Variants in BLNK observed in about 807,000 individuals in gnomAD.
The protein encoded by BLNK is B cell linker.
Under a neutral mutation model 73.5 loss-of-function variants are expected in BLNK, and 29 were observed. That is an observed-to-expected ratio of 0.39 (90% CI 0.29 to 0.54). The LOEUF is 0.54. Ranked by LOEUF, BLNK falls within the 20% of genes least tolerant of loss-of-function variation. BLNK has a pLI of 0.61. For synonymous variants in BLNK, 176 were observed against 200.8 expected (o/e 0.88, Z 1.04); for missense variants, 460 against 562.8 (o/e 0.82, Z 1.85).
chr10:96,213,839 G>A (rs1411099400), intron 8 of BLNK, among the ~76,000 whole-genome samples: 3 of 152,138 alleles, frequency 2.0e-5, no homozygotes, highest in Non-Finnish European at 2.9e-5. Context: ...ACCTGGTCAC[G>A]ATGTTTTAGA....
chr10:96,215,808 C>T (rs587735617), intron 7 of BLNK: 1 of 162,552 alleles, frequency 6.2e-6, no homozygotes, highest in South Asian at 1.7e-4. Context: ...CAATACACAC[C>T]ATTGCTCTGG....
chr10:96,208,576 T>C (rs1251770257), intron 9 of BLNK, among the ~76,000 whole-genome samples: 1 of 152,208 alleles, frequency 6.6e-6, no homozygotes, highest in Non-Finnish European at 1.5e-5. Context: ...TGTGGAACAC[T>C]GTAAGTCAAT....
chr10:96,208,867 A>G (rs1010487816), intron 9 of BLNK, among the ~76,000 whole-genome samples: 4 of 152,200 alleles, frequency 2.6e-5, no homozygotes, highest in African/African-American at 9.7e-5. Flanking sequence ...GCCCAAAGTG[A>G]TACAGCTGAA....
chr10:96,221,277 C>G (rs1205006968), intron 6 of BLNK, among the ~76,000 whole-genome samples: 4 of 152,212 alleles, frequency 2.6e-5, no homozygotes, highest in African/African-American at 9.7e-5. Flanking sequence ...CATTATAGCA[C>G]AGATGCTCCT....
At chr10:96,254,057 GA>G (rs797028102) in intron 1 of BLNK, among the ~76,000 whole-genome samples, 42 of 145,802 alleles carry the variant, frequency 2.9e-4, no homozygotes, top group Middle Eastern at 3.5e-3. Context: ...TAAAAAAAAG[GA>G]AAAAAAAAAG....
chr10:96,261,226 T>A (rs1225284777), intron 1 of BLNK, among the ~76,000 whole-genome samples: 4 of 152,208 alleles, frequency 2.6e-5, no homozygotes, highest in African/African-American at 9.7e-5. Context: ...GGAAATTGTT[T>A]AATTATCAAT....
intron 11 of BLNK, among the ~76,000 whole-genome samples, chr10:96,205,570 T>C (rs2083777109): frequency 1.3e-5 from 2 of 152,222 alleles, no homozygotes; most frequent in Non-Finnish European, 2.9e-5. Flanking sequence ...GTTTTGCTCA[T>C]GACATTAAAA....
intron 5 of BLNK, among the ~76,000 whole-genome samples, chr10:96,226,052 G>T (rs1206097857): frequency 6.6e-6 from 1 of 152,188 alleles, no homozygotes; most frequent in Admixed American, 6.5e-5. Context: ...AGTATGGTGG[G>T]TGGTGCACAG....
chr10:96,227,480 C>T lies in BLNK; in HGVS notation c.291G>A (p.Glu97=), dbSNP rs587731205. 1 of 1,614,244 alleles carries T rather than the reference C, an allele frequency of 6.2e-7. No individual in the cohort carries two copies. Among genetic ancestry groups the T allele is most frequent in the Admixed American group, 1.7e-5 (1 of 60,032 alleles). ...PAEENADDSY[E]PPPVEQETRP... ...TGGTTTCCTGCTCTACTGGAGGCGG[C>T]TCGTAGCTGTCATCAGCGTTCTCCT... The change falls in exon 5 of 17, where the codon GAG becomes GAA. Residue 97 remains glutamate (E), a synonymous_variant. Coordinates refer to ENST00000224337, the MANE Select transcript of BLNK (RefSeq NM_013314.4).
intron 1 of BLNK, among the ~76,000 whole-genome samples, chr10:96,265,184 A>T (rs1378759343): frequency 1.3e-5 from 2 of 150,920 alleles, no homozygotes; most frequent in Non-Finnish European, 2.9e-5. Flanking sequence ...GTGTCTCATT[A>T]TGTTGACCCG....
chr10:96,205,661 CG>C (rs1564817708), intron 11 of BLNK, among the ~76,000 whole-genome samples: 1 of 152,226 alleles, frequency 6.6e-6, no homozygotes, highest in East Asian at 1.9e-4. Flanking sequence ...GCTCTGCCTC[CG>C]CCATCCTGAT....
chr10:96,266,603 T>C (rs952501568), intron 1 of BLNK, among the ~76,000 whole-genome samples: 2 of 152,146 alleles, frequency 1.3e-5, no homozygotes, highest in African/African-American at 4.8e-5. Context: ...GGGTAGTCCA[T>C]CCATTGGTGT....
At position 96,224,136 on chromosome 10, in the gene BLNK, G is replaced by A. The variant is rs72811012; in HGVS notation, c.362-147C>T. 102,883 of 932,564 alleles carry A rather than the reference G, an allele frequency of 0.11. 8,930 individuals are homozygous for A. Among genetic ancestry groups the A allele is most frequent in the East Asian group, 0.43 (16,247 of 37,878 alleles). 57.8% of individuals were successfully genotyped at this position (932,564 alleles called of 1,614,324 possible). On this transcript the variant is annotated intron_variant, in intron 5 of 16. Coordinates refer to ENST00000224337, the MANE Select transcript of BLNK (RefSeq NM_013314.4). ...GGGGCATTCCTTGAAAGAGTAAAGT[G>A]AAATGTTAGGCCCAAAATTTCAACT...
chr10:96,204,012 G>C, intron 13 of BLNK, 45 bp downstream of exon 13: 2 of 1,556,980 alleles, frequency 1.3e-6, no homozygotes, highest in Non-Finnish European at 1.8e-6. Context: ...CTAGGATCCA[G>C]CCTCGACCAC....
intron 6 of BLNK, 95 bp from the exon 7 acceptor site, chr10:96,216,829 G>A (rs782361140): frequency 2.3e-5 from 23 of 1,005,056 alleles, no homozygotes; most frequent in South Asian, 1.1e-4. Context: ...TTATTGAGAC[G>A]CAATTCACAT....
At chr10:96,231,716 G>T (rs1842505180) in intron 3 of BLNK, among the ~76,000 whole-genome samples, 1 of 118,984 alleles carries the variant, frequency 8.4e-6, no homozygotes, top group African/African-American at 3.3e-5. Flanking sequence ...GACAGAGTAA[G>T]ACCCTGTCTC....
intron 3 of BLNK, among the ~76,000 whole-genome samples, chr10:96,231,980 T>C (rs1554904089): frequency 6.6e-6 from 1 of 152,236 alleles, no homozygotes. Flanking sequence ...TTAAGTAGTT[T>C]ATGAGCTTGT....
At chr10:96,199,194 G>A (rs1454676942) in intron 15 of BLNK, among the ~76,000 whole-genome samples, 2 of 152,162 alleles carry the variant, frequency 1.3e-5, no homozygotes, top group East Asian at 1.9e-4. Context: ...GTATGTAAAT[G>A]CTATATATTC....
chr10:96,235,089 G>A (rs1842648166), intron 3 of BLNK, among the ~76,000 whole-genome samples: 1 of 152,188 alleles, frequency 6.6e-6, no homozygotes, highest in South Asian at 2.1e-4. Context: ...TGTGGGCACA[G>A]CACCAGACAC....
Sources: gnomAD v4.1 joint callset for allele counts (sites outside exome capture counted in the v4.1 genomes callset) on GRCh38, gnomAD v4.1.1 for gene constraint, MANE v1.5 for transcripts, NCBI Gene and HGNC (gene_info 2026-07-23, HGNC 2026-07-21) for gene names.